ANKRD26: variants seen among roughly 807,000 people sequenced by gnomAD.
The protein encoded by ANKRD26 is ankyrin repeat domain-containing protein 26.
In ANKRD26, 141 loss-of-function variants were observed where a neutral mutation model predicts 208.7. The ratio of observed to expected loss-of-function variants is 0.68; its 90% CI spans 0.59 to 0.78. The LOEUF is 0.78. Ranked by LOEUF, ANKRD26 falls within the 30% of genes least tolerant of loss-of-function variation. The pLI is 0.00. For missense variants in ANKRD26, 1,889 were observed against 1,938.7 expected, an observed-to-expected ratio of 0.97 and a Z score of 0.48; for synonymous variants, 636 against 660.4, an observed-to-expected ratio of 0.96 and a Z score of 0.57.
Position 27,086,561 on chromosome 10 carries a change from A to T in ANKRD26, c.687T>A (p.His229Gln). Residue 229 changes from histidine (H) to glutamine (Q), a missense_variant, in exon 5 of 34, where the codon CAT (histidine) becomes CAA (glutamine). This residue lies in a region of ANKRD26 where 1,272 missense variants were observed against 1,273.8 expected (regional missense o/e 1.00). Coordinates refer to ENST00000376087, the MANE Select transcript of ANKRD26 (RefSeq NM_014915.3). ...TACCTGAATTACTATTTTGAGAAGA[A>T]TGTTTAGGTATCCTTTCTTCTTTAT... ...SEYKEERIPK[H>Q]SSQNSNSVDE... 1 of 1,605,818 alleles carries T rather than the reference A, an allele frequency of 6.2e-7. No homozygotes were observed. The highest frequency in any genetic ancestry group is 8.5e-7 in the Non-Finnish European group (1 of 1,174,884).
At chr10:27,098,294 G>A (rs931751493) in intron 1 of ANKRD26, among the ~76,000 whole-genome samples, 9 of 151,900 alleles carry the variant, frequency 5.9e-5, no homozygotes, top group African/African-American at 2.2e-4. Context: ...ACAGTCATGA[G>A]CCACAGGTGC....
intron 4 of ANKRD26, among the ~76,000 whole-genome samples, chr10:26,997,500 C>T (rs549832265): frequency 5.1e-4 from 78 of 152,264 alleles, no homozygotes; most frequent in African/African-American, 1.6e-3. Flanking sequence ...AAAGCAGTCC[C>T]GTTTCAAGTG....
chr10:26,972,099 G>C (rs527645593), downstream of ANKRD26, among the ~76,000 whole-genome samples: 56 of 152,164 alleles, frequency 3.7e-4, 1 homozygote, highest in East Asian at 9.7e-3. Context: ...GCCAGGCGTG[G>C]TGGCGGGCGC....
At chr10:27,042,449 T>C (rs946210298) in intron 20 of ANKRD26, among the ~76,000 whole-genome samples, 2 of 151,874 alleles carry the variant, frequency 1.3e-5, no homozygotes, top group African/African-American at 4.8e-5. Flanking sequence ...AAACCCCGCC[T>C]CTATTAAAAA....
intron 7 of ANKRD26, among the ~76,000 whole-genome samples, 158 bp downstream of exon 7, chr10:27,078,931 A>C (rs1161677447): frequency 6.6e-6 from 1 of 150,592 alleles, no homozygotes; most frequent in Non-Finnish European, 1.5e-5. Flanking sequence ...AAAAAAAAAG[A>C]ATTCAACTGG....
chr10:27,099,971 GCT>G, intron 1 of ANKRD26, 112 bp downstream of exon 1: 1 of 1,549,822 alleles, frequency 6.5e-7, no homozygotes, highest in Non-Finnish European at 8.8e-7. Context: ...CGTCCCAGGG[GCT>G]ACGGAGCCCG....
At position 27,061,127 on chromosome 10, in the gene ANKRD26, G is replaced by C. The variant is rs11015496; in HGVS notation, c.1462+17C>G. Reference sequence around the variant, plus strand: ...GTAGAATAACAGTTAACAAAAATACGCATTTTTTTTCCATACCCATGTGGG... The same window carrying C: ...GTAGAATAACAGTTAACAAAAATACCCATTTTTTTTCCATACCCATGTGGG... On this transcript the variant is annotated intron_variant, in intron 13 of 33. Transcript: ENST00000376087. 3.1e-5 allele frequency: 48 copies of C among 1,527,900 alleles called. No homozygotes were observed. The highest frequency in any genetic ancestry group is 4.3e-5 in the Non-Finnish European group (47 of 1,102,522). 94.6% of individuals were successfully genotyped at this position (1,527,900 alleles called of 1,614,324 possible). A position where few individuals can be genotyped will look rare whatever the true frequency, so the allele number is the denominator to read the frequency against.
chr10:27,066,656 A>G, intron 10 of ANKRD26, 108 bp from the exon 11 acceptor site: 1 of 701,214 alleles, frequency 1.4e-6, no homozygotes, highest in Non-Finnish European at 2.2e-6. Context: ...GAATATTTCA[A>G]TAAAATAAAA....
chr10:26,950,982 G>A, the ANKRD26 span, among the ~76,000 whole-genome samples: 4 of 115,700 alleles, frequency 3.5e-5, no homozygotes, highest in African/African-American at 1.6e-4. Context: ...TTTTCACTTT[G>A]TATTATCCCT....
At chr10:26,999,807 CAA>C (rs68192322), downstream of ANKRD26, among the ~76,000 whole-genome samples, 1,775 of 74,726 alleles carry the variant, frequency 0.024, 11 homozygotes, top group South Asian at 0.049. Context: ...CAAAACCAAC[CAA>C]AAAAAAAAAA....
downstream of ANKRD26, among the ~76,000 whole-genome samples, chr10:27,003,508 C>T (rs2052771911): frequency 6.6e-6 from 1 of 152,148 alleles, no homozygotes; most frequent in Non-Finnish European, 1.5e-5. Context: ...TTTACAAAGC[C>T]TCAAAGTATC....
chr10:27,032,273 T>C (rs2053888896), intron 25 of ANKRD26, among the ~76,000 whole-genome samples: 1 of 152,102 alleles, frequency 6.6e-6, no homozygotes, highest in Non-Finnish European at 1.5e-5. Flanking sequence ...CCCAGGCAGG[T>C]GGAACACCTG....
intron 27 of ANKRD26, among the ~76,000 whole-genome samples, chr10:27,025,862 T>C (rs1447298155): frequency 2.0e-5 from 3 of 152,184 alleles, no homozygotes; most frequent in Non-Finnish European, 4.4e-5. Flanking sequence ...TCATAAACCA[T>C]ATTCTCAACC....
Position 27,087,444 on chromosome 10 carries a change from CA to C in ANKRD26, c.639-836del, listed in dbSNP as rs2056159978. ...AATAAAACCCAATTAAATGTTTCTCCAAAGGTTCTAATATTCAAATGTTGCC... is the reference window on the plus strand; with the variant it reads ...AATAAAACCCAATTAAATGTTTCTCCAAGGTTCTAATATTCAAATGTTGCC... On this transcript the variant is annotated intron_variant, in intron 4 of 33. Transcript: ENST00000376087. Among the ~76,000 whole-genome samples the C allele has an allele frequency of 2.0e-5, 3 of 152,254 alleles. No homozygotes were observed. The South Asian group carries it at 6.2e-4, about 32-fold the overall frequency.
chr10:27,032,279 A>G (rs1374944363), intron 25 of ANKRD26, among the ~76,000 whole-genome samples: 1 of 152,168 alleles, frequency 6.6e-6, no homozygotes, highest in Non-Finnish European at 1.5e-5. Context: ...CAGGTGGAAC[A>G]CCTGAGGTCA....
chr10:27,068,502 C>A (rs1026584726), intron 9 of ANKRD26, among the ~76,000 whole-genome samples: 1 of 152,038 alleles, frequency 6.6e-6, no homozygotes, highest in African/African-American at 2.4e-5. Context: ...CTAGACAGGG[C>A]ACCATAAACA....
the ANKRD26 span, among the ~76,000 whole-genome samples, chr10:26,960,775 C>T: frequency 6.6e-6 from 1 of 152,150 alleles, no homozygotes; most frequent in African/African-American, 2.4e-5. Context: ...ACTTGAGTAA[C>T]ACTTGGCAGA....
intron 29 of ANKRD26, among the ~76,000 whole-genome samples, chr10:27,018,394 G>A (rs986912750): frequency 1.3e-5 from 2 of 151,570 alleles, no homozygotes; most frequent in Non-Finnish European, 2.9e-5. Flanking sequence ...TCAGCCTCCC[G>A]AAGTGCTGGG....
intron 9 of ANKRD26, among the ~76,000 whole-genome samples, chr10:27,075,897 G>T (rs757011117): frequency 2.0e-5 from 3 of 152,144 alleles, no homozygotes; most frequent in South Asian, 2.1e-4. Context: ...ATCATATGAA[G>T]TATCTTCTCA....
Sources: allele counts gnomAD v4.1 joint callset (sites outside exome capture counted in the v4.1 genomes callset), GRCh38; gene constraint gnomAD v4.1.1; regional missense constraint gnomAD v4.1.1; transcripts MANE v1.5; gene names NCBI Gene and HGNC (gene_info 2026-07-23, HGNC 2026-07-21).